ATP6V1D: variants seen among roughly 807,000 people sequenced by gnomAD.
ATP6V1D encodes V-type proton ATPase subunit D.
In ATP6V1D, 20 loss-of-function variants were observed where a neutral mutation model predicts 39.4. The ratio of observed to expected loss-of-function variants is 0.51; its 90% CI spans 0.36 to 0.74. The LOEUF (loss-of-function observed/expected upper bound fraction) is 0.74. Among genes scored for constraint, ATP6V1D ranks in the 30% least tolerant of loss-of-function variants. The probability of loss-of-function intolerance (pLI) is 0.00; values close to 1 mark genes in which losing one functional copy is unlikely to be tolerated. For missense variants in ATP6V1D, 228 were observed against 291.6 expected, an observed-to-expected ratio of 0.78 and a Z score of 1.59; for synonymous variants, 100 against 100.5, an observed-to-expected ratio of 0.99 and a Z score of 0.03.
At chr14:67,340,218 G>T in intron 8 of ATP6V1D, 1 of 464,830 alleles carries the variant, frequency 2.2e-6, no homozygotes, top group Non-Finnish European at 3.9e-6. Flanking sequence ...CAGTTTCTCT[G>T]AAAGGCCTAA....
At position 67,343,397 on chromosome 14, in the gene ATP6V1D, G is replaced by A. The variant is rs371165482; in HGVS notation, c.498C>T (p.Asn166=). 7 of 1,612,210 alleles carry A rather than the reference G, an allele frequency of 4.3e-6. No individual in the cohort carries two copies. Among genetic ancestry groups the A allele is most frequent in the South Asian group, 1.1e-5 (1 of 90,944 alleles). The change falls in exon 7 of 9, where the codon AAC becomes AAT. Residue 166 remains asparagine (N), a synonymous_variant. Coordinates refer to ENST00000216442, the MANE Select transcript of ATP6V1D (RefSeq NM_015994.4). The part of the protein sequence containing the change: ...VTLDEAIKIT[N]RRVNAIEHVI... ...CATGTTCAATGGCATTTACACGCCT[G>A]TTGGTTATCTTAATAGCTTCATCCA...
rs568124882 is a variant in ATP6V1D, at chr14:67,338,877, T to C, written c.603-115A>G. 7.0e-5 allele frequency: 56 copies of C among 801,692 alleles called. No homozygotes were observed. In the African/African-American group the frequency reaches 8.5e-4, roughly 12 times the overall value. The allele number at this position is 801,692 out of a possible 1,614,324, so 49.7% of individuals were successfully genotyped here. A position where few individuals can be genotyped will look rare whatever the true frequency, so the allele number is the denominator to read the frequency against. On this transcript the variant is annotated intron_variant, in intron 8 of 8. Transcript: ENST00000216442. The stretch of plus-strand genomic sequence containing the variant: ...AACACATACCTAGAAAAAAACCTGG[T>C]ACTTTTATTAATTTCATTTTCAGTA...
intron 7 of ATP6V1D, among the ~76,000 whole-genome samples, chr14:67,342,557 C>CTTTTTT (rs767148771): frequency 1.5e-5 from 2 of 136,986 alleles, no homozygotes; most frequent in African/African-American, 5.4e-5. Context: ...ACGAATTATC[C>CTTTTTT]TTTTTTTTTT....
chr14:67,350,539 T>C (rs2085649120), intron 3 of ATP6V1D, 72 bp downstream of exon 3: 3 of 1,324,016 alleles, frequency 2.3e-6, no homozygotes, highest in Admixed American at 2.1e-5. Flanking sequence ...AATTAAAAAA[T>C]GCTTTTTAAA....
intron 1 of ATP6V1D, among the ~76,000 whole-genome samples, chr14:67,358,735 G>A (rs1328410393): frequency 2.6e-5 from 4 of 152,174 alleles, no homozygotes; most frequent in Non-Finnish European, 5.9e-5. Context: ...TAAACAGGAT[G>A]AGGAGGAGAA....
At chr14:67,354,518 G>C (rs900677297) in intron 1 of ATP6V1D, among the ~76,000 whole-genome samples, 2 of 152,026 alleles carry the variant, frequency 1.3e-5, no homozygotes, top group African/African-American at 4.8e-5. Flanking sequence ...TTAAAAGATG[G>C]GTACTCCAGC....
intron 7 of ATP6V1D, among the ~76,000 whole-genome samples, chr14:67,341,997 A>G (rs1373035758): frequency 6.6e-6 from 1 of 151,658 alleles, no homozygotes; most frequent in Non-Finnish European, 1.5e-5. Flanking sequence ...CATGCTCGTT[A>G]AGAGTCATCA....
rs147006267 is a variant in ATP6V1D, at chr14:67,342,858, T to C, written c.523+514A>G. The stretch of plus-strand genomic sequence containing the variant: ...AATTGAGTGTTTCTTTAATAAAAAC[T>C]AAGTTTATTGAGCAAAAAGTACCAT... On this transcript the variant is annotated intron_variant, in intron 7 of 8. Coordinates refer to ENST00000216442, the MANE Select transcript of ATP6V1D (RefSeq NM_015994.4). Among the ~76,000 whole-genome samples, 209 of 152,186 alleles carry C rather than the reference T, an allele frequency of 1.4e-3. 5 individuals carry two copies. The East Asian group carries it at 0.023, about 17-fold the overall frequency.
In ATP6V1D at chr14:67,352,948, C is replaced by A. The variant is rs781650138; in HGVS notation, c.134G>T (p.Arg45Leu). 1 of 1,611,690 alleles carries A rather than the reference C, an allele frequency of 6.2e-7. No individual in the cohort carries two copies. Among genetic ancestry groups the A allele is most frequent in the African/African-American group, 1.3e-5 (1 of 74,832 alleles). Reference sequence around the variant, plus strand: ...CTCTATTATCTTCTTTAGGATCTGTCGAAATCGAAGAGTTAAGGCATCAGA... The same window carrying A: ...CTCTATTATCTTCTTTAGGATCTGTAGAAATCGAAGAGTTAAGGCATCAGA... ...KKSDALTLRF[R>L]QILKKIIETK... is the part of the protein sequence containing the mutation. Residue 45 changes from arginine to leucine, a missense_variant, in exon 2 of 9, where the codon CGA becomes CTA. Physicochemically the swap from Arg to Leu is moderately radical, Grantham distance 102 (BLOSUM62 -2). Around this residue, in one of 3 missense-constraint regions of ATP6V1D, gnomAD observed 104 missense variants for 120.2 expected, o/e 0.87. Transcript: ENST00000216442.
chr14:67,347,591 T>C (rs2085628794), intron 4 of ATP6V1D, 138 bp from the exon 5 acceptor site: 1 of 686,268 alleles, frequency 1.5e-6, no homozygotes, highest in Non-Finnish European at 2.5e-6. Flanking sequence ...AACCTCTGCC[T>C]CCCAGGTTCA....
intron 1 of ATP6V1D, among the ~76,000 whole-genome samples, chr14:67,353,443 C>G (rs1191895881): frequency 6.6e-6 from 1 of 152,106 alleles, no homozygotes; most frequent in Non-Finnish European, 1.5e-5. Context: ...CCTGGGAGTT[C>G]AAGTCCAGCA....
chr14:67,348,662 C>T (rs1394014576), intron 4 of ATP6V1D, among the ~76,000 whole-genome samples: 2 of 151,614 alleles, frequency 1.3e-5, no homozygotes, highest in African/African-American at 2.4e-5. Flanking sequence ...GCTGGGGCTA[C>T]AGGCGCGTGC....
intron 5 of ATP6V1D, among the ~76,000 whole-genome samples, chr14:67,346,328 T>C (rs973036869): frequency 2.6e-5 from 4 of 152,282 alleles, no homozygotes; most frequent in Admixed American, 2.6e-4. Flanking sequence ...TATTTATTTA[T>C]TGAGATGGGG....
At chr14:67,348,281 G>C (rs1413206556) in intron 4 of ATP6V1D, among the ~76,000 whole-genome samples, 1 of 151,964 alleles carries the variant, frequency 6.6e-6, no homozygotes, top group South Asian at 2.1e-4. Flanking sequence ...TCCATATTAG[G>C]CTGGTCTCGA....
Position 67,338,513 on chromosome 14 carries a change from G to C in ATP6V1D, c.*108C>G. The C allele has an allele frequency of 1.5e-5, 19 of 1,241,094 alleles. No homozygotes were observed. Among genetic ancestry groups the C allele is most frequent in the Non-Finnish European group, 2.1e-5 (19 of 916,890 alleles). 76.9% of individuals were successfully genotyped at this position (1,241,094 alleles called of 1,614,324 possible). A position where few individuals can be genotyped will look rare whatever the true frequency, so the allele number is the denominator to read the frequency against. On this transcript the variant is annotated 3_prime_UTR_variant, in exon 9 of 9. Transcript: ENST00000216442. ...GACATCTAGGTAAATTTTACAACCA[G>C]TGAAATTCTTAGGCCAAAAAATAAA...
intron 4 of ATP6V1D, 62 bp downstream of exon 4, chr14:67,348,975 G>T: frequency 6.7e-7 from 1 of 1,487,888 alleles, no homozygotes. Flanking sequence ...TGTATAAACA[G>T]GTTAATTTTA....
At chr14:67,347,183 C>T (rs1425044685) in intron 5 of ATP6V1D, among the ~76,000 whole-genome samples, 3 of 152,090 alleles carry the variant, frequency 2.0e-5, no homozygotes, top group Non-Finnish European at 2.9e-5. Flanking sequence ...TGGAGATTTG[C>T]CTGCCTCAGC....
At chr14:67,340,865 G>A (rs998174035) in intron 7 of ATP6V1D, among the ~76,000 whole-genome samples, 10 of 152,172 alleles carry the variant, frequency 6.6e-5, no homozygotes, top group Non-Finnish European at 8.8e-5. Context: ...TGGTGGAGAC[G>A]GGGTTTCGCT....
chr14:67,346,513 C>T (rs936702375), intron 5 of ATP6V1D, among the ~76,000 whole-genome samples: 13 of 152,212 alleles, frequency 8.5e-5, no homozygotes, highest in African/African-American at 3.1e-4. Context: ...CGGGGTTTCA[C>T]CATGTTGCCC....
Sources: gnomAD v4.1 joint callset for allele counts (sites outside exome capture counted in the v4.1 genomes callset) on GRCh38, gnomAD v4.1.1 for gene constraint, gnomAD v4.1.1 regional missense constraint, MANE v1.5 for transcripts, NCBI Gene and HGNC (gene_info 2026-07-23, HGNC 2026-07-21) for gene names.